CDH20: variants seen among roughly 807,000 people sequenced by gnomAD.
CDH20 encodes cadherin-20.
A neutral mutation model predicts 74.2 loss-of-function variants in CDH20; 29 were observed. The ratio of observed to expected loss-of-function variants is 0.39; its 90% CI spans 0.29 to 0.53. The LOEUF is 0.53. Among genes scored for constraint, CDH20 ranks in the 20% least tolerant of loss-of-function variants. The pLI is 0.69. For synonymous variants in CDH20, 469 were observed against 405.4 expected, an observed-to-expected ratio of 1.16 and a Z score of -1.88; for missense variants, 988 against 1,048.3, an observed-to-expected ratio of 0.94 and a Z score of 0.79.
intron 1 of CDH20, among the ~76,000 whole-genome samples, chr18:61,389,516 A>C (rs1445822580): frequency 6.6e-6 from 1 of 152,210 alleles, no homozygotes; most frequent in East Asian, 1.9e-4. Context: ...ATGAATTTGT[A>C]TACTTATTCA....
At chr18:61,367,914 C>T (rs1374454262) in intron 1 of CDH20, among the ~76,000 whole-genome samples, 2 of 152,058 alleles carry the variant, frequency 1.3e-5, no homozygotes, top group Non-Finnish European at 2.9e-5. Context: ...CATTTCCCCT[C>T]TTGTCTTGTA....
chr18:61,490,029 G>A (rs28739293), intron 1 of CDH20, among the ~76,000 whole-genome samples: 23,844 of 152,044 alleles, frequency 0.16, 1,920 homozygotes, highest in African/African-American at 0.2. Flanking sequence ...TGTAAATTTT[G>A]TAAATGAATG....
At chr18:61,366,383 T>A (rs935866441) in intron 1 of CDH20, among the ~76,000 whole-genome samples, 2 of 152,202 alleles carry the variant, frequency 1.3e-5, no homozygotes, top group Non-Finnish European at 2.9e-5. Flanking sequence ...CATTTTAAAT[T>A]TCCTTAGACT....
chr18:61,532,424 C>T (rs1280814866), intron 7 of CDH20, among the ~76,000 whole-genome samples: 1 of 151,802 alleles, frequency 6.6e-6, no homozygotes, highest in African/African-American at 2.4e-5. Flanking sequence ...TTCCTAATTC[C>T]TAAATAGCCA....
intron 1 of CDH20, among the ~76,000 whole-genome samples, chr18:61,483,691 T>C (rs923315545): frequency 6.6e-6 from 1 of 152,204 alleles, no homozygotes; most frequent in Non-Finnish European, 1.5e-5. Context: ...CCAATATTTA[T>C]TGAGCATCTA....
chr18:61,448,578 C>T (rs1181965784), intron 1 of CDH20, among the ~76,000 whole-genome samples: 1 of 152,186 alleles, frequency 6.6e-6, no homozygotes, highest in Non-Finnish European at 1.5e-5. Context: ...AGCTCATGCT[C>T]TTCTACAGTC....
At position 61,490,567 on chromosome 18, in the gene CDH20, G is replaced by A; in HGVS notation, c.14G>A (p.Gly5Asp). The change falls in exon 2 of 12, where the codon GGT (glycine) becomes GAT (aspartate). Residue 5 changes from glycine to aspartate, a missense_variant. Transcript: ENST00000262717. The stretch of plus-strand genomic sequence containing the variant: ...CCTGGCAATCCCATGTGGACTTCTG[G>A]TAGAATGAGCAATGCAAAGAACTGG... MWTSGRMSNAKNWLG... is the reference protein window; with the variant it reads MWTSDRMSNAKNWLG... The A allele has an allele frequency of 1.2e-6, 2 of 1,613,832 alleles. No homozygotes were observed. Among genetic ancestry groups the A allele is most frequent in the South Asian group, 2.2e-5 (2 of 91,060 alleles).
At chr18:61,389,992 C>T (rs558235646) in intron 1 of CDH20, among the ~76,000 whole-genome samples, 29 of 152,264 alleles carry the variant, frequency 1.9e-4, no homozygotes, top group African/African-American at 5.5e-4. Context: ...CCTTCCTTGC[C>T]CCCATGACCA....
chr18:61,370,454 G>A (rs755055670), intron 1 of CDH20, among the ~76,000 whole-genome samples: 19 of 152,030 alleles, frequency 1.2e-4, no homozygotes, highest in Non-Finnish European at 2.1e-4. Context: ...TATTTTAAAT[G>A]ATCACCATAT....
chr18:61,368,041 A>G (rs1010512278), intron 1 of CDH20, among the ~76,000 whole-genome samples: 1 of 152,160 alleles, frequency 6.6e-6, no homozygotes, highest in Non-Finnish European at 1.5e-5. Context: ...TCTTCAAATA[A>G]GGTCACACTC....
At chr18:61,514,874 C>T (rs1350538092) in intron 6 of CDH20, among the ~76,000 whole-genome samples, 1 of 151,142 alleles carries the variant, frequency 6.6e-6, no homozygotes, top group Admixed American at 6.6e-5. Context: ...TCTCCAGCTG[C>T]GTGCTGGGAG....
At chr18:61,525,503 T>G (rs559269189) in intron 6 of CDH20, among the ~76,000 whole-genome samples, 57 of 152,152 alleles carry the variant, frequency 3.7e-4, no homozygotes, top group Non-Finnish European at 7.9e-4. Context: ...AATATATCAT[T>G]AATCTGACTG....
rs1489361014 is a variant in CDH20 at position 61,498,033 on chromosome 18, A to G, written c.247-1153A>G. On this transcript the variant is annotated intron_variant, in intron 2 of 11. Coordinates refer to ENST00000262717, the MANE Select transcript of CDH20 (RefSeq NM_031891.4). ...TACTATCTGCAATTAATTAGATATT[A>G]CAGATGCAGAAATATGTTTATAGGC... Among the ~76,000 whole-genome samples, 5 of 152,342 alleles carry G rather than the reference A, an allele frequency of 3.3e-5. No homozygotes were observed. The East Asian group carries it at 9.6e-4, about 29-fold the overall frequency.
In CDH20 at chr18:61,337,666, G is replaced by A. The variant is rs972925257; in HGVS notation, c.-153+3839G>A. 7.9e-5 allele frequency among the ~76,000 whole-genome samples: 12 copies of A among 152,176 alleles called. 1 individual carries two copies. Among genetic ancestry groups the A allele is most frequent in the South Asian group, 2.1e-4 (1 of 4,820 alleles). The stretch of plus-strand genomic sequence containing the variant: ...CTGAGCATCTACAGGTTTTATATTC[G>A]GTAGACTGTGACTTATTGTTATTTA... On this transcript the variant is annotated intron_variant, in intron 1 of 11. Coordinates refer to ENST00000262717, the MANE Select transcript of CDH20 (RefSeq NM_031891.4).
Position 61,554,221 on chromosome 18 carries a change from G to A in CDH20, c.1932G>A (p.Arg644=). ...VLVLLILSMR[R]HRKQPYIIDD... is the part of the protein sequence containing the mutation. ...TGTTGCTCATTTTGTCCATGAGGCG[G>A]CACCGGAAACAACCATACATCATCG... The change falls in exon 12 of 12, where the codon CGG becomes CGA. Residue 644 remains arginine (R), a synonymous_variant. Coordinates refer to ENST00000262717, the MANE Select transcript of CDH20 (RefSeq NM_031891.4). The A allele has an allele frequency of 6.2e-7, 1 of 1,613,050 alleles. No homozygotes were observed. Among genetic ancestry groups the A allele is most frequent in the Non-Finnish European group, 8.5e-7 (1 of 1,179,214 alleles).
In CDH20 at chr18:61,539,200, T is replaced by C. The variant is rs1054930353; in HGVS notation, c.1530+55T>C. 98 of 1,582,720 alleles carry C rather than the reference T, an allele frequency of 6.2e-5. 2 individuals are homozygous for C. The South Asian group carries it at 8.7e-4, about 14-fold the overall frequency. ...CTTAACCCCTAACTTCTGGAAACAATTGTTAGATAACCAAATTCACCATCA... is the reference window on the plus strand; with the variant it reads ...CTTAACCCCTAACTTCTGGAAACAACTGTTAGATAACCAAATTCACCATCA... On this transcript the variant is annotated intron_variant, in intron 9 of 11. Coordinates refer to ENST00000262717, the MANE Select transcript of CDH20 (RefSeq NM_031891.4).
chr18:61,439,804 C>A (rs1908967214), intron 1 of CDH20, among the ~76,000 whole-genome samples: 1 of 152,026 alleles, frequency 6.6e-6, no homozygotes, highest in African/African-American at 2.4e-5. Context: ...ATCACATAAC[C>A]CCCATATGTG....
chr18:61,394,721 T>C (rs1246022425), intron 1 of CDH20, among the ~76,000 whole-genome samples: 1 of 152,070 alleles, frequency 6.6e-6, no homozygotes, highest in African/African-American at 2.4e-5. Context: ...GCTGCCTCAA[T>C]AGAGGTACAG....
chr18:61,461,693 G>C (rs1018036205), intron 1 of CDH20, among the ~76,000 whole-genome samples: 7 of 152,154 alleles, frequency 4.6e-5, no homozygotes, highest in African/African-American at 7.2e-5. Context: ...GAGGTTTATT[G>C]AAAATGAAAG....
Sources: allele counts gnomAD v4.1 joint callset (sites outside exome capture counted in the v4.1 genomes callset), GRCh38; gene constraint gnomAD v4.1.1; transcripts MANE v1.5; gene names NCBI Gene and HGNC (gene_info 2026-07-23, HGNC 2026-07-21).